MEAK7: variants seen among roughly 807,000 people sequenced by gnomAD.
MEAK7 encodes MTOR-associated protein MEAK7.
A neutral mutation model predicts 40.5 loss-of-function variants in MEAK7; 68 were observed. That is an observed-to-expected ratio of 1.68 (90% confidence interval 1.38 to 2.06). The LOEUF is 2.06. MEAK7 is among the 30% of genes most tolerant of loss of function. The pLI is 0.00. For missense variants in MEAK7, 918 were observed against 580.5 expected (o/e 1.58, Z -5.98); for synonymous variants, 338 against 231.9 (o/e 1.46, Z -4.16).
At chr16:84,481,319 T>C (rs1246685569) in intron 6 of MEAK7, among the ~76,000 whole-genome samples, 1 of 152,134 alleles carries the variant, frequency 6.6e-6, no homozygotes, top group African/African-American at 2.4e-5. Context: ...CTGTAACACC[T>C]GGCACGCCCT....
rs777538582 is a variant in MEAK7, at chr16:84,482,720, GC to G, written c.959-11del. 26 of 1,613,930 alleles carry G rather than the reference GC, an allele frequency of 1.6e-5. No individual in the cohort carries two copies. In the African/African-American group the frequency reaches 2.8e-4, roughly 17 times the overall value. On this transcript the variant is annotated splice_polypyrimidine_tract_variant and intron_variant, in intron 5 of 7. Transcript: ENST00000343629. ...AAGCATCTGTTGTCCCCTGAAAGTAGCCAGAGAACAAAACAAACAGGGTCGG... is the reference window on the plus strand; with the variant it reads ...AAGCATCTGTTGTCCCCTGAAAGTAGCAGAGAACAAAACAAACAGGGTCGG...
rs368981899 is a variant in MEAK7, at chr16:84,495,358, A to G, written c.384+325T>C. On this transcript the variant is annotated intron_variant, in intron 3 of 7. Coordinates refer to ENST00000343629, the MANE Select transcript of MEAK7 (RefSeq NM_020947.4). ...AGTGCTGATTTACTGAGTGCAAGACAAACACACATTGACTATTTCCCTACC... is the reference window on the plus strand; with the variant it reads ...AGTGCTGATTTACTGAGTGCAAGACGAACACACATTGACTATTTCCCTACC... Among the ~76,000 whole-genome samples the G allele has an allele frequency of 1.6e-4, 24 of 152,328 alleles. No homozygotes were observed. The South Asian group carries it at 5.0e-3, about 32-fold the overall frequency.
At chr16:84,502,166 C>G (rs1172488925) in intron 1 of MEAK7, among the ~76,000 whole-genome samples, 1 of 151,654 alleles carries the variant, frequency 6.6e-6, no homozygotes, top group Non-Finnish European at 1.5e-5. Flanking sequence ...AGACAATGCA[C>G]GCTGGTGCTG....
chr16:84,486,310 G>C (rs774727739), intron 5 of MEAK7: 1 of 470,756 alleles, frequency 2.1e-6, no homozygotes, highest in Non-Finnish European at 3.1e-6. Context: ...GAAAATGTCC[G>C]ATCTGAACCA....
At chr16:84,502,005 G>A (rs1346422820) in intron 1 of MEAK7, among the ~76,000 whole-genome samples, 6 of 152,230 alleles carry the variant, frequency 3.9e-5, no homozygotes, top group South Asian at 2.1e-4. Flanking sequence ...TTAACCGGGT[G>A]TGGTGGTGCA....
chr16:84,497,867 G>C (rs1421281160), intron 2 of MEAK7, 67 bp downstream of exon 2: 89 of 1,599,432 alleles, frequency 5.6e-5, no homozygotes, highest in Non-Finnish European at 7.4e-5. Context: ...GCAGATTCTG[G>C]CCTGAAAGCC....
At chr16:84,481,067 G>A (rs1275678199) in intron 6 of MEAK7, among the ~76,000 whole-genome samples, 3 of 152,186 alleles carry the variant, frequency 2.0e-5, no homozygotes, top group African/African-American at 4.8e-5. Flanking sequence ...TAAGGGGAGA[G>A]GTGAACACAG....
chr16:84,491,601 G>A (rs1913616910), intron 3 of MEAK7, among the ~76,000 whole-genome samples: 2 of 148,946 alleles, frequency 1.3e-5, no homozygotes, highest in African/African-American at 4.9e-5. Context: ...CACTTTGGGA[G>A]GCCGAGGCAG....
rs768794643 is a variant in MEAK7 at position 84,486,819 on chromosome 16, T to G, written c.770A>C (p.Gln257Pro). Residue 257 changes from glutamine to proline, a missense_variant, in exon 5 of 8, where the codon CAG becomes CCG. Transcript: ENST00000343629. Reference protein sequence around the residue: ...DVLSVMYINAQLPREQRHRWC... With the variant: ...DVLSVMYINAPLPREQRHRWC... ...GCGGTGCCGCTGCTCCCGAGGCAGC[T>G]GGGCGTTGATGTACATGACAGAGAG... 2 of 1,614,032 alleles carry G rather than the reference T, an allele frequency of 1.2e-6. No individual in the cohort carries two copies. Among genetic ancestry groups the G allele is most frequent in the South Asian group, 2.2e-5 (2 of 91,084 alleles).
In MEAK7 at chr16:84,477,908, A is replaced by G. The variant is rs2150618000; in HGVS notation, c.*2005T>C. The stretch of plus-strand genomic sequence containing the variant: ...TTCTCTAAGTGCACTGCCTGGAAGC[A>G]GGTGCATTCGTGATCTGCACTCTCC... On this transcript the variant is annotated 3_prime_UTR_variant, in exon 8 of 8. Coordinates refer to ENST00000343629, the MANE Select transcript of MEAK7 (RefSeq NM_020947.4). The G allele has an allele frequency of 6.6e-6, 1 of 152,278 alleles. No homozygotes were observed. Among genetic ancestry groups the G allele is most frequent in the Non-Finnish European group, 1.5e-5 (1 of 68,036 alleles). The allele number at this position is 152,278 out of a possible 1,614,324, so 9.4% of individuals were successfully genotyped here.
At position 84,476,355 on chromosome 16, in the gene MEAK7, T is replaced by G. The variant is rs576784019; in HGVS notation, c.*3558A>C. Reference sequence around the variant, plus strand: ...ATCAACAAAATATAGTTTTTGTCTATCAGGTTAAAAAAACATATTTTAATA... The same window carrying G: ...ATCAACAAAATATAGTTTTTGTCTAGCAGGTTAAAAAAACATATTTTAATA... On this transcript the variant is annotated 3_prime_UTR_variant, in exon 8 of 8. Coordinates refer to ENST00000343629, the MANE Select transcript of MEAK7 (RefSeq NM_020947.4). 2.4e-4 allele frequency: 37 copies of G among 152,268 alleles called. No individual in the cohort carries two copies. The highest frequency in any genetic ancestry group is 8.7e-4 in the African/African-American group (36 of 41,544). The allele number at this position is 152,268 out of a possible 1,614,324, so 9.4% of individuals were successfully genotyped here.
rs1343498056 is a variant in MEAK7 at position 84,495,675 on chromosome 16, C to T, written c.384+8G>A. ...AGGAGGCTGCAAAGGACCTCGCGGC[C>T]TCACTACCTTTTGGACTTCTCTGGC... On this transcript the variant is annotated splice_region_variant and intron_variant, in intron 3 of 7. Coordinates refer to ENST00000343629, the MANE Select transcript of MEAK7 (RefSeq NM_020947.4). 4 of 1,614,066 alleles carry T rather than the reference C, an allele frequency of 2.5e-6. 1 individual carries two copies. In the South Asian group the frequency reaches 4.4e-5, roughly 18 times the overall value.
Position 84,490,590 on chromosome 16 carries a change from G to C in MEAK7, c.385-1168C>G, listed in dbSNP as rs192275645. 4.1e-5 allele frequency among the ~76,000 whole-genome samples: 6 copies of C among 148,036 alleles called. No homozygotes were observed. The South Asian group carries it at 1.3e-3, about 32-fold the overall frequency. On this transcript the variant is annotated intron_variant, in intron 3 of 7. Coordinates refer to ENST00000343629, the MANE Select transcript of MEAK7 (RefSeq NM_020947.4). ...TCCCAGGTAAAATACGGTAGTAAAAGATTTAAAATGATTTTTTTAAAGAGC... is the reference window on the plus strand; with the variant it reads ...TCCCAGGTAAAATACGGTAGTAAAACATTTAAAATGATTTTTTTAAAGAGC...
intron 5 of MEAK7, chr16:84,486,378 T>C (rs1597934551): frequency 3.4e-6 from 4 of 1,186,294 alleles, no homozygotes; most frequent in South Asian, 2.5e-5. Context: ...CCACGCCCCA[T>C]AGACCCGGCA....
intron 3 of MEAK7, among the ~76,000 whole-genome samples, chr16:84,493,101 T>A (rs144739838): frequency 6.6e-6 from 1 of 152,218 alleles, no homozygotes; most frequent in Non-Finnish European, 1.5e-5. Flanking sequence ...AGTGTGTTAT[T>A]AGTATGTGTT....
At chr16:84,497,910 T>G in intron 2 of MEAK7, 24 bp downstream of exon 2, 1 of 1,614,108 alleles carries the variant, frequency 6.2e-7, no homozygotes, top group Non-Finnish European at 8.5e-7. Flanking sequence ...CAACTAAACA[T>G]GAACCACGGG....
At chr16:84,504,502 G>A (rs965292118) in intron 1 of MEAK7, 99 bp downstream of exon 1, 3 of 771,672 alleles carry the variant, frequency 3.9e-6, no homozygotes, top group South Asian at 1.2e-4. Flanking sequence ...GGAGGGGCAG[G>A]GCCCAGGCCT....
Position 84,480,606 on chromosome 16 carries a change from G to A in MEAK7, c.1180C>T (p.Gln394Ter). ...TGGAAGTTCTCCTGAGCCGACAGCTGCGGGCTGTTGTACGTGGTGCACGTG... is the reference window on the plus strand; with the variant it reads ...TGGAAGTTCTCCTGAGCCGACAGCTACGGGCTGTTGTACGTGGTGCACGTG... ...KPTCTTYNSP[Q>*]LSAQENFQFD... The change falls in exon 7 of 8, where the codon CAG (glutamine) becomes TAG (stop). Residue 394 changes from glutamine to a stop codon, truncating the protein, a stop_gained. Coordinates refer to ENST00000343629, the MANE Select transcript of MEAK7 (RefSeq NM_020947.4). LOFTEE classifies it high-confidence loss of function. 1 of 1,614,080 alleles carries A rather than the reference G, an allele frequency of 6.2e-7. No homozygotes were observed. The highest frequency in any genetic ancestry group is 1.7e-5 in the Admixed American group (1 of 60,002).
chr16:84,501,105 G>GAAAAAAAAAAAAAAAAAAAAAAAAAA (rs35447624), intron 1 of MEAK7, among the ~76,000 whole-genome samples: 1 of 103,636 alleles, frequency 9.6e-6, no homozygotes, highest in Non-Finnish European at 1.8e-5. Flanking sequence ...AAAAAAAAAA[G>GAAAAAAAAAAAAAAAAAAAAAAAAAA]AAAAAAAAAA....
Sources: allele counts gnomAD v4.1 joint callset (sites outside exome capture counted in the v4.1 genomes callset), GRCh38; gene constraint gnomAD v4.1.1; transcripts MANE v1.5; gene names NCBI Gene and HGNC (gene_info 2026-07-23, HGNC 2026-07-21).